The following CA5A variants were observed in gnomAD, a reference collection of about 807,000 sequenced individuals.
The protein encoded by CA5A is carbonic anhydrase 5A, also known as carbonic anhydrase 5A, mitochondrial.
A neutral mutation model predicts 37.1 loss-of-function variants in CA5A; 28 were observed. That is an observed-to-expected ratio of 0.75 (90% CI 0.56 to 1.03). The LOEUF (loss-of-function observed/expected upper bound fraction) is 1.03. Among genes scored for constraint, CA5A ranks in the 50% least tolerant of loss-of-function variants. The pLI is 0.00. For synonymous variants in CA5A, 171 were observed against 158.4 expected (o/e 1.08, Z -0.60); for missense variants, 444 against 399.9 (o/e 1.11, Z -0.94).
At chr16:87,897,316 G>A (rs1226395030) in intron 5 of CA5A, among the ~76,000 whole-genome samples, 3 of 152,258 alleles carry the variant, frequency 2.0e-5, no homozygotes, top group African/African-American at 7.2e-5. Context: ...AGGCATGGAG[G>A]GTGGGGACCC....
At chr16:87,923,837 T>A (rs2144053699) in intron 2 of CA5A, 1 of 985,066 alleles carries the variant, frequency 1.0e-6, no homozygotes, top group Non-Finnish European at 1.2e-6. Context: ...AACTCATCTG[T>A]ATCCATGACA....
chr16:87,898,289 T>A (rs2055830869), intron 5 of CA5A, among the ~76,000 whole-genome samples: 2 of 152,200 alleles, frequency 1.3e-5, no homozygotes, highest in South Asian at 4.1e-4. Context: ...AGCCCGTCCC[T>A]GGGTGAGAAC....
intron 1 of CA5A, among the ~76,000 whole-genome samples, chr16:87,932,397 T>G (rs1252579773): frequency 6.6e-6 from 1 of 152,012 alleles, no homozygotes; most frequent in Admixed American, 6.6e-5. Context: ...TTTGCTGAGC[T>G]GCACCAACGG....
rs116240335 is a variant in CA5A at position 87,914,703 on chromosome 16, T to C, written c.341-9799A>G. On this transcript the variant is annotated intron_variant, in intron 2 of 6. Coordinates refer to ENST00000649794, the MANE Select transcript of CA5A (RefSeq NM_001739.2). The stretch of plus-strand genomic sequence containing the variant: ...ACCACGGAGAGCAGGAGGGAGGACG[T>C]GGGGGCGGGCGCAGGGCGGGAGCAC... Among the ~76,000 whole-genome samples, 802 of 136,906 alleles carry C rather than the reference T, an allele frequency of 5.9e-3. 5 individuals carry two copies. Among genetic ancestry groups the C allele is most frequent in the African/African-American group, 0.021 (768 of 37,432 alleles). The allele number at this position is 136,906 out of a possible 152,430, so 89.8% of individuals were successfully genotyped here.
intron 2 of CA5A, among the ~76,000 whole-genome samples, chr16:87,917,711 A>G (rs1427752965): frequency 1.6e-5 from 1 of 62,714 alleles, no homozygotes; most frequent in Non-Finnish European, 5.1e-5. Flanking sequence ...ACGAACACAC[A>G]CATGAACACG....
intron 2 of CA5A, among the ~76,000 whole-genome samples, chr16:87,924,899 G>C (rs945925108): frequency 1.8e-4 from 28 of 152,204 alleles, no homozygotes; most frequent in Non-Finnish European, 2.4e-4. Context: ...GCCTGGGGTG[G>C]CCTCGATTCT....
rs761169170 is a variant in CA5A at position 87,926,900 on chromosome 16, C to T, written c.188G>A (p.Arg63Gln). 22 of 1,606,662 alleles carry T rather than the reference C, an allele frequency of 1.4e-5. No individual in the cohort carries two copies. The highest frequency in any genetic ancestry group is 1.8e-5 in the Non-Finnish European group (21 of 1,176,272). Residue 63 changes from arginine to glutamine, a missense_variant, in exon 2 of 7, where the codon CGG becomes CAG. Arg to Gln is a conservative substitution (Grantham distance 43). Transcript: ENST00000649794. ...TVPVSVPGGT[R>Q]QSPINIQWRD... The stretch of plus-strand genomic sequence containing the variant: ...CCACTGGATGTTAATAGGAGACTGC[C>T]GGGTGCCCCCTGGCACGGAGACCGG...
chr16:87,898,830 G>A (rs59846819), intron 5 of CA5A, among the ~76,000 whole-genome samples: 9,851 of 151,502 alleles, frequency 0.065, 384 homozygotes, highest in Non-Finnish European at 0.095. Flanking sequence ...CGTCTCCTGG[G>A]TTCAAGCGAT....
At position 87,888,253 on chromosome 16, in the gene CA5A, A is replaced by G. The variant is rs775685436; in HGVS notation, c.794T>C (p.Leu265Pro). The G allele has an allele frequency of 1.9e-6, 3 of 1,613,624 alleles. No homozygotes were observed. The highest frequency in any genetic ancestry group is 1.3e-5 in the African/African-American group (1 of 74,972). Residue 265 changes from leucine to proline, a missense_variant, in exon 7 of 7, where the codon CTC becomes CCC. By Grantham distance (98) the Leu-to-Pro change is moderately conservative. Coordinates refer to ENST00000649794, the MANE Select transcript of CA5A (RefSeq NM_001739.2). ...APSQLSAFRT[L>P]LFSALGEEEK... ...CTCTTCACCAAGTGCAGAAAACAGG[A>G]GAGTACGAAATGCAGAGAGCTGGAA...
Position 87,911,121 on chromosome 16 carries a change from G to T in CA5A, c.341-6217C>A, listed in dbSNP as rs1416767884. 8.1e-6 allele frequency among the ~76,000 whole-genome samples: 1 copy of T among 123,586 alleles called. No homozygotes were observed. Among genetic ancestry groups the T allele is most frequent in the Non-Finnish European group, 1.7e-5 (1 of 58,952 alleles). 81.1% of individuals were successfully genotyped at this position (123,586 alleles called of 152,430 possible). A position where few individuals can be genotyped will look rare whatever the true frequency, so the allele number is the denominator to read the frequency against. ...AATCAAAAAAAAAAAAAAAAAAAAAGGCAAGCCCAATTCACGAAAAGGGGT... is the reference window on the plus strand; with the variant it reads ...AATCAAAAAAAAAAAAAAAAAAAAATGCAAGCCCAATTCACGAAAAGGGGT... On this transcript the variant is annotated intron_variant, in intron 2 of 6. Coordinates refer to ENST00000649794, the MANE Select transcript of CA5A (RefSeq NM_001739.2). This position sits in a 1 kb window ranked among gnomAD's most constrained non-coding sequence, Gnocchi z 4.6.
chr16:87,905,406 C>T (rs2055945654), intron 2 of CA5A, among the ~76,000 whole-genome samples: 1 of 152,182 alleles, frequency 6.6e-6, no homozygotes, highest in Admixed American at 6.5e-5. Context: ...ATTGCCCAGG[C>T]TGGAGTACAA....
At chr16:87,931,273 G>A (rs143809647) in intron 1 of CA5A, among the ~76,000 whole-genome samples, 191 of 151,556 alleles carry the variant, frequency 1.3e-3, no homozygotes, top group Non-Finnish European at 2.0e-3. Flanking sequence ...CACCACGCCC[G>A]GCTACTTTTT....
At chr16:87,923,821 C>G in intron 2 of CA5A, 1 of 985,178 alleles carries the variant, frequency 1.0e-6, no homozygotes, top group African/African-American at 1.7e-5. Context: ...ATATGAATCC[C>G]ATAGCAACTC....
intron 2 of CA5A, among the ~76,000 whole-genome samples, chr16:87,906,668 CTGGAAAA>C (rs1380518431): frequency 6.6e-6 from 1 of 152,052 alleles, no homozygotes; most frequent in South Asian, 2.1e-4. Flanking sequence ...AAGGTGTAAA[CTGGAAAA>C]TGGAAAATGG....
rs561674034 is a variant in CA5A at position 87,888,814 on chromosome 16, G to A, written c.775-542C>T. Among the ~76,000 whole-genome samples the A allele has an allele frequency of 1.8e-4, 28 of 152,222 alleles. No homozygotes were observed. The East Asian group carries it at 5.0e-3, about 27-fold the overall frequency. ...TTTCCCAGGCTGGAGTGTCATTGGC[G>A]AGATCTCAGCTCGCTGCAACCTCCG... On this transcript the variant is annotated intron_variant, in intron 6 of 6. Coordinates refer to ENST00000649794, the MANE Select transcript of CA5A (RefSeq NM_001739.2).
In CA5A at chr16:87,913,931, C is replaced by T. The variant is rs1438759847; in HGVS notation, c.341-9027G>A. On this transcript the variant is annotated intron_variant, in intron 2 of 6. Transcript: ENST00000649794. The stretch of plus-strand genomic sequence containing the variant: ...TTAAGTGACGTCTACCACGAGGAAG[C>T]GTAAGTGATGTTCACCACAAGAGGC... Among the ~76,000 whole-genome samples the T allele has an allele frequency of 7.9e-5, 12 of 152,210 alleles. No individual in the cohort carries two copies. The South Asian group carries it at 8.3e-4, about 11-fold the overall frequency.
chr16:87,884,261 C>CAAAAAAAAAAA (rs969489629), downstream of CA5A: 6 of 26,786 alleles, frequency 2.2e-4, no homozygotes, highest in African/African-American at 4.5e-4. Context: ...ACTAAAAATG[C>CAAAAAAAAAAA]AAAAAAAAAA....
At chr16:87,934,805 C>A (rs895352075) in intron 1 of CA5A, among the ~76,000 whole-genome samples, 1 of 152,130 alleles carries the variant, frequency 6.6e-6, no homozygotes, top group African/African-American at 2.4e-5. Context: ...ACTAAAAATA[C>A]AGAAATTAGT....
At chr16:87,895,029 T>A (rs1391906361) in intron 5 of CA5A, among the ~76,000 whole-genome samples, 2 of 150,104 alleles carry the variant, frequency 1.3e-5, no homozygotes. Flanking sequence ...GTGGGAGGAC[T>A]GCTTGAGGCC....
Sources: gnomAD v4.1 joint callset for allele counts (sites outside exome capture counted in the v4.1 genomes callset) on GRCh38, gnomAD v4.1.1 for gene constraint, Gnocchi (gnomAD v3.1) non-coding constraint, MANE v1.5 for transcripts, NCBI Gene and HGNC (gene_info 2026-07-23, HGNC 2026-07-21) for gene names.